PRPF38A: variants seen among roughly 807,000 people sequenced by gnomAD.
PRPF38A encodes the protein pre-mRNA-splicing factor 38A.
A neutral mutation model predicts 46.8 loss-of-function variants in PRPF38A; 11 were observed. The observed-to-expected ratio is 0.24, with a 90% CI of 0.15 to 0.39. The LOEUF is 0.39. Ranked by LOEUF, PRPF38A falls within the 10% of genes least tolerant of loss-of-function variation. The probability of loss-of-function intolerance (pLI) is 1.00; values close to 1 mark genes in which losing one functional copy is unlikely to be tolerated. For missense variants in PRPF38A, 261 were observed against 407.5 expected (o/e 0.64, Z 3.10); for synonymous variants, 124 against 136.2 (o/e 0.91, Z 0.62).
chr1:52,408,346 T>A (rs1488622555), intron 2 of PRPF38A: 1 of 671,388 alleles, frequency 1.5e-6, no homozygotes, highest in Admixed American at 2.0e-5. Flanking sequence ...AGTTGATCAA[T>A]ATGTATGATG....
At position 52,411,317 on chromosome 1, in the gene PRPF38A, G is replaced by A. The variant is rs1648143879; in HGVS notation, c.498+117G>A. 25 of 678,392 alleles carry A rather than the reference G, an allele frequency of 3.7e-5. No homozygotes were observed. The East Asian group carries it at 6.5e-4, about 18-fold the overall frequency. 42.0% of individuals were successfully genotyped at this position (678,392 alleles called of 1,614,324 possible). On this transcript the variant is annotated intron_variant, in intron 4 of 9. Coordinates refer to ENST00000257181, the MANE Select transcript of PRPF38A (RefSeq NM_032864.4). ...TGTGGATCTTATGGGTCCTCTTAAT[G>A]AATAGTCTTCCTGTCTGGGAGTCCC...
chr1:52,414,111 C>A, intron 6 of PRPF38A, 120 bp downstream of exon 6: 1 of 653,070 alleles, frequency 1.5e-6, no homozygotes. Context: ...TATTAGTTAT[C>A]TGTTGCTGCA....
At chr1:52,415,268 G>T in intron 8 of PRPF38A, 70 bp from the exon 9 acceptor site, 1 of 1,481,032 alleles carries the variant, frequency 6.8e-7, no homozygotes, top group South Asian at 1.2e-5. Context: ...CAGGTATTAG[G>T]GGAGGTGAGA....
At chr1:52,416,554 C>CT in intron 9 of PRPF38A, 94 bp from the exon 10 acceptor site, 1 of 893,006 alleles carries the variant, frequency 1.1e-6, no homozygotes, top group East Asian at 2.5e-5. Flanking sequence ...GGTGATCTGC[C>CT]TACCTTGGCA....
chr1:52,413,808 G>A (rs190441330), intron 5 of PRPF38A, 71 bp from the exon 6 acceptor site: 6 of 982,012 alleles, frequency 6.1e-6, no homozygotes, highest in Admixed American at 5.6e-5. Context: ...GGGGCGTGAA[G>A]TATAATTAGT....
In PRPF38A at chr1:52,417,252, C is replaced by T. The variant is rs1017197878; in HGVS notation, c.*562C>T. 2 of 156,546 alleles carry T rather than the reference C, an allele frequency of 1.3e-5. No homozygotes were observed. Among genetic ancestry groups the T allele is most frequent in the African/African-American group, 4.8e-5 (2 of 41,468 alleles). The allele number at this position is 156,546 out of a possible 1,614,324, so 9.7% of individuals were successfully genotyped here. A position where few individuals can be genotyped will look rare whatever the true frequency, so the allele number is the denominator to read the frequency against. ...TCTGGATCATTAAAGCCAGTTTCAT[C>T]AAACAGTTCAACAGAGAGCAGCACT... On this transcript the variant is annotated 3_prime_UTR_variant, in exon 10 of 10. Coordinates refer to ENST00000257181, the MANE Select transcript of PRPF38A (RefSeq NM_032864.4).
intron 2 of PRPF38A, among the ~76,000 whole-genome samples, chr1:52,407,180 G>A (rs1648021800): frequency 6.6e-6 from 1 of 152,040 alleles, no homozygotes; most frequent in African/African-American, 2.4e-5. Flanking sequence ...ACTACACCCG[G>A]CTAATTTTTT....
At chr1:52,409,191 G>A (rs1397537591) in intron 3 of PRPF38A, 4 of 153,712 alleles carry the variant, frequency 2.6e-5, no homozygotes, top group Non-Finnish European at 5.8e-5. Flanking sequence ...CTTCTACAAG[G>A]AGATTACTTA....
At chr1:52,406,255 G>GT (rs1278445724) in intron 2 of PRPF38A, among the ~76,000 whole-genome samples, 1 of 152,002 alleles carries the variant, frequency 6.6e-6, no homozygotes, top group African/African-American at 2.4e-5. Context: ...GCCTCCCAGA[G>GT]TGCTGGGATT....
chr1:52,414,623 G>A lies in PRPF38A; in HGVS notation c.725G>A (p.Arg242Gln), dbSNP rs1287114468. ...RRSRSRSPRR[R>Q]SRSPKRRSPS... ...TCTTCTTCCTCTCCTCTTTATAGGCGGAGTCGATCTCCCAAAAGGAGAAGG... is the reference window on the plus strand; with the variant it reads ...TCTTCTTCCTCTCCTCTTTATAGGCAGAGTCGATCTCCCAAAAGGAGAAGG... Residue 242 changes from arginine to glutamine, a missense_variant and splice_region_variant, in exon 7 of 10, where the codon CGG (arginine) becomes CAG (glutamine). Around this residue, in one of 2 missense-constraint regions of PRPF38A, gnomAD observed 180 missense variants for 221.0 expected, o/e 0.81. Transcript: ENST00000257181. 10 of 1,613,466 alleles carry A rather than the reference G, an allele frequency of 6.2e-6. No individual in the cohort carries two copies. Among genetic ancestry groups the A allele is most frequent in the African/African-American group, 4.0e-5 (3 of 74,866 alleles).
At position 52,404,717 on chromosome 1, in the gene PRPF38A, A is replaced by G. The variant is rs1647918930; in HGVS notation, c.-33A>G. 6.2e-7 allele frequency: 1 copy of G among 1,606,488 alleles called. No homozygotes were observed. The highest frequency in any genetic ancestry group is 1.3e-5 in the African/African-American group (1 of 74,658). On this transcript the variant is annotated 5_prime_UTR_variant, in exon 1 of 10. Coordinates refer to ENST00000257181, the MANE Select transcript of PRPF38A (RefSeq NM_032864.4). ...GAACCTGGATGTGAGGCATTAAAGG[A>G]TCCGACGGAAATAGAATTGAAGGCA...
At chr1:52,413,737 C>T (rs1557593403) in intron 5 of PRPF38A, 142 bp from the exon 6 acceptor site, 2 of 627,564 alleles carry the variant, frequency 3.2e-6, no homozygotes, top group East Asian at 5.5e-5. Flanking sequence ...TAAGTGCTTC[C>T]CTCTTTGTAG....
At position 52,420,493 on chromosome 1, in the gene PRPF38A, C is replaced by G. The variant is rs1237579697; in HGVS notation, c.*3803C>G. The G allele has an allele frequency of 6.6e-6, 1 of 152,110 alleles. No individual in the cohort carries two copies. Among genetic ancestry groups the G allele is most frequent in the Non-Finnish European group, 1.5e-5 (1 of 68,002 alleles). 9.4% of individuals were successfully genotyped at this position (152,110 alleles called of 1,614,324 possible). On this transcript the variant is annotated 3_prime_UTR_variant, in exon 10 of 10. Coordinates refer to ENST00000257181, the MANE Select transcript of PRPF38A (RefSeq NM_032864.4). ...ATGAAGCTAGAAAAAAAAATAGCCTCTTTATTGTTTTCCGTAATTGTCCTT... is the reference window on the plus strand; with the variant it reads ...ATGAAGCTAGAAAAAAAAATAGCCTGTTTATTGTTTTCCGTAATTGTCCTT...
chr1:52,413,079 G>T (rs1648191535), intron 5 of PRPF38A, among the ~76,000 whole-genome samples: 1 of 152,158 alleles, frequency 6.6e-6, no homozygotes, highest in Non-Finnish European at 1.5e-5. Flanking sequence ...TATACTAGTA[G>T]TATAATCTTA....
intron 1 of PRPF38A, 140 bp from the exon 2 acceptor site, chr1:52,405,540 G>A: frequency 8.3e-6 from 6 of 723,790 alleles, no homozygotes; most frequent in South Asian, 7.3e-5. Context: ...AGCTGTTGTC[G>A]TTACTGTTAT....
Position 52,410,393 on chromosome 1 carries a change from C to T in PRPF38A, c.413-722C>T, listed in dbSNP as rs1648114431. 3.3e-5 allele frequency among the ~76,000 whole-genome samples: 5 copies of T among 150,362 alleles called. No homozygotes were observed. The South Asian group carries it at 1.0e-3, about 31-fold the overall frequency. On this transcript the variant is annotated intron_variant, in intron 3 of 9. Coordinates refer to ENST00000257181, the MANE Select transcript of PRPF38A (RefSeq NM_032864.4). ...CATATACTAGTAGTATAATCTTACG[C>T]AAATTACTTAAATTTAGTTTTCTCC...
chr1:52,420,538 C>T lies in PRPF38A; in HGVS notation c.*3848C>T, dbSNP rs928282079. The T allele has an allele frequency of 2.0e-5, 3 of 152,180 alleles. No homozygotes were observed. Among genetic ancestry groups the T allele is most frequent in the African/African-American group, 7.2e-5 (3 of 41,502 alleles). The allele number at this position is 152,180 out of a possible 1,614,324, so 9.4% of individuals were successfully genotyped here. ...GTCCTTAATTTTAGGAGAAATCTTA[C>T]AAGACTAGATTCTCTTGTGGGGAAA... On this transcript the variant is annotated 3_prime_UTR_variant, in exon 10 of 10. Coordinates refer to ENST00000257181, the MANE Select transcript of PRPF38A (RefSeq NM_032864.4).
At position 52,411,188 on chromosome 1, in the gene PRPF38A, G is replaced by T. The variant is rs1648139855; in HGVS notation, c.486G>T (p.Leu162=). ...GTGAGAGAGTCTGTGATATCATTCT[G>T]CCCCGACTACAGGTAAGAAATAAAA... ...LHSERVCDII[L]PRLQKRYVLE... Residue 162 remains leucine, a synonymous_variant, in exon 4 of 10, where the codon CTG becomes CTT. Transcript: ENST00000257181. 1 of 1,611,924 alleles carries T rather than the reference G, an allele frequency of 6.2e-7. No homozygotes were observed. The highest frequency in any genetic ancestry group is 8.5e-7 in the Non-Finnish European group (1 of 1,178,352).
intron 6 of PRPF38A, 36 bp downstream of exon 6, chr1:52,414,027 T>C: frequency 7.2e-7 from 1 of 1,395,116 alleles, no homozygotes; most frequent in Non-Finnish European, 1.0e-6. Context: ...CCAGAAGATT[T>C]TGAGCACTGT....
Sources: allele counts gnomAD v4.1 joint callset (sites outside exome capture counted in the v4.1 genomes callset), GRCh38; gene constraint gnomAD v4.1.1; regional missense constraint gnomAD v4.1.1; transcripts MANE v1.5; gene names NCBI Gene and HGNC (gene_info 2026-07-23, HGNC 2026-07-21).